The following KLC3 variants were observed in gnomAD, a reference collection of about 807,000 sequenced individuals.
KLC3 encodes the protein kinesin light chain 3, also known as kinesin light chain 2.
KLC3 carries 72 observed loss-of-function variants against 62.9 expected under a neutral mutation model. The ratio of observed to expected loss-of-function variants is 1.15; its 90% CI spans 0.95 to 1.39. KLC3 has a LOEUF of 1.39. Ranked by LOEUF, KLC3 falls within the 40% of genes most tolerant of loss-of-function variation. The pLI is 0.00. For synonymous variants in KLC3, 377 were observed against 300.5 expected (o/e 1.25, Z -2.63); for missense variants, 848 against 691.6 (o/e 1.23, Z -2.54).
At chr19:45,351,143 A>C (rs1241841823) in intron 12 of KLC3, 126 bp downstream of exon 12, 13 of 1,597,262 alleles carry the variant, frequency 8.1e-6, no homozygotes, top group Non-Finnish European at 1.7e-6. Context: ...GAAGAGACCC[A>C]GGACAGGAGC....
chr19:45,348,661 C>G lies in KLC3; in HGVS notation c.795C>G (p.Tyr265Ter). 1 of 1,586,554 alleles carries G rather than the reference C, an allele frequency of 6.3e-7. No homozygotes were observed. Among genetic ancestry groups the G allele is most frequent in the South Asian group, 1.1e-5 (1 of 86,972 alleles). ...CCCCCCACAGGGACCAGAACAAGTA[C>G]AAAGAAGCCACAGACCTTCTCCATG... ...LALVYRDQNK[Y>*]KEATDLLHDA... The change falls in exon 6 of 13, where the codon TAC becomes TAG. Residue 265 changes from tyrosine (Y) to a stop codon, truncating the protein, a stop_gained. Coordinates refer to ENST00000391946, the MANE Select transcript of KLC3 (RefSeq NM_177417.3). LOFTEE classifies it high-confidence loss of function.
intron 3 of KLC3, 76 bp from the exon 4 acceptor site, chr19:45,347,371 C>T: frequency 4.1e-6 from 4 of 985,370 alleles, no homozygotes; most frequent in South Asian, 2.9e-5. Context: ...AAAACAAAAA[C>T]CTGAGATAGA....
chr19:45,343,997 A>G (rs998622373), intron 1 of KLC3, among the ~76,000 whole-genome samples: 1 of 150,988 alleles, frequency 6.6e-6, no homozygotes, highest in African/African-American at 2.4e-5. Context: ...TAATTTTTTT[A>G]TTTTTATTTT....
chr19:45,348,296 A>G, intron 5 of KLC3, 136 bp downstream of exon 5: 1 of 801,774 alleles, frequency 1.2e-6, no homozygotes, highest in Non-Finnish European at 2.0e-6. Context: ...AAGAATGGGA[A>G]AGGAAGGGAA....
Position 45,351,433 on chromosome 19 carries a change from C to T in KLC3, c.*76C>T, listed in dbSNP as rs1599721122. On this transcript the variant is annotated 3_prime_UTR_variant, in exon 13 of 13. Coordinates refer to ENST00000391946, the MANE Select transcript of KLC3 (RefSeq NM_177417.3). ...ATGGGCTGGTGGGGTGAGAGGGGGTCTATCATCTCCTGGCCCCCCCTTGCC... is the reference window on the plus strand; with the variant it reads ...ATGGGCTGGTGGGGTGAGAGGGGGTTTATCATCTCCTGGCCCCCCCTTGCC... 6.9e-6 allele frequency: 11 copies of T among 1,587,490 alleles called. No individual in the cohort carries two copies. The highest frequency in any genetic ancestry group is 2.2e-5 in the South Asian group (2 of 89,982).
chr19:45,349,447 C>A lies in KLC3; in HGVS notation c.988C>A (p.Pro330Thr). Reference sequence around the variant, plus strand: ...CCCCCAGGTCCTGGGTGCTGACCACCCAGATGTGGCCAAGCAGCTCAACAA... The same window carrying A: ...CCCCCAGGTCCTGGGTGCTGACCACACAGATGTGGCCAAGCAGCTCAACAA... ...IREKVLGADH[P>T]DVAKQLNNLA... Residue 330 changes from proline (P) to threonine (T), a missense_variant, in exon 8 of 13, where the codon CCA (proline) becomes ACA (threonine). Physicochemically the swap from Pro to Thr is conservative, Grantham distance 38 (BLOSUM62 -1). Transcript: ENST00000391946. 1.9e-6 allele frequency: 3 copies of A among 1,611,380 alleles called. No individual in the cohort carries two copies. The highest frequency in any genetic ancestry group is 2.5e-6 in the Non-Finnish European group (3 of 1,178,296).
intron 1 of KLC3, chr19:45,344,944 C>T (rs1047853531): frequency 6.4e-6 from 1 of 156,724 alleles, no homozygotes; most frequent in African/African-American, 2.4e-5. Context: ...CTCATTCCCC[C>T]CAACCTAGAG....
In KLC3 at chr19:45,351,379, C is replaced by G. The variant is rs373169640; in HGVS notation, c.*22C>G. 1 of 1,607,938 alleles carries G rather than the reference C, an allele frequency of 6.2e-7. No individual in the cohort carries two copies. Among genetic ancestry groups the G allele is most frequent in the African/African-American group, 1.3e-5 (1 of 75,022 alleles). On this transcript the variant is annotated 3_prime_UTR_variant, in exon 13 of 13. Transcript: ENST00000391946. ...CTAACGTCCAGTGAACTGCGCTGGC[C>G]GCAGCTTCTTGGGAACAGTGCAGGA...
Position 45,350,383 on chromosome 19 carries a change from G to T in KLC3, c.1186G>T (p.Glu396Ter), listed in dbSNP as rs1436818341. The change falls in exon 9 of 13, where the codon GAG becomes TAG. Residue 396 changes from glutamate to a stop codon, truncating the protein, a stop_gained. Coordinates refer to ENST00000391946, the MANE Select transcript of KLC3 (RefSeq NM_177417.3). LOFTEE classifies it high-confidence loss of function. Reference sequence around the variant, plus strand: ...ACAGAACAAGTATCAACAAGCGGAAGAGCTGTACAAAGAAATCCTCCACAA... The same window carrying T: ...ACAGAACAAGTATCAACAAGCGGAATAGCTGTACAAAGAAATCCTCCACAA... ...LKQNKYQQAEELYKEILHKED... is the reference protein window; with the variant it reads ...LKQNKYQQAE 6.2e-7 allele frequency: 1 copy of T among 1,613,758 alleles called. No individual in the cohort carries two copies. The highest frequency in any genetic ancestry group is 1.1e-5 in the South Asian group (1 of 91,042).
At position 45,348,885 on chromosome 19, in the gene KLC3, GC is replaced by G; in HGVS notation, c.937del (p.Leu313CysfsTer48). The G allele has an allele frequency of 1.9e-6, 3 of 1,588,210 alleles. No homozygotes were observed. Among genetic ancestry groups the G allele is most frequent in the Non-Finnish European group, 2.6e-6 (3 of 1,167,720 alleles). On this transcript the variant is annotated frameshift_variant, in exon 7 of 13. Coordinates refer to ENST00000391946, the MANE Select transcript of KLC3 (RefSeq NM_177417.3). LOFTEE classifies it high-confidence loss of function. ...AGCGTGGGCGTTACCGGGAGGCAGAGCCCCTGTGCCAGCGCGCTTTGGAGAT... is the reference window on the plus strand; with the variant it reads ...AGCGTGGGCGTTACCGGGAGGCAGAGCCCTGTGCCAGCGCGCTTTGGAGAT... ...GKRGRYREAE[P>X]LCQRALEIRE...
Position 45,350,962 on chromosome 19 carries a change from G to A in KLC3, c.1388G>A (p.Arg463Lys). The A allele has an allele frequency of 3.1e-6, 5 of 1,614,106 alleles. No homozygotes were observed. The highest frequency in any genetic ancestry group is 4.2e-6 in the Non-Finnish European group (5 of 1,180,008). Reference sequence around the variant, plus strand: ...TGCTGCCCTCTTTGCAGAATGAAGAGAGCCATGTCACTCAACACACTGAAC... The same window carrying A: ...TGCTGCCCTCTTTGCAGAATGAAGAAAGCCATGTCACTCAACACACTGAAC... ...EAAAGAAGMKRAMSLNTLNVD... is the reference protein window; with the variant it reads ...EAAAGAAGMKKAMSLNTLNVD... The change falls in exon 12 of 13, where the codon AGA becomes AAA. Residue 463 changes from arginine (R) to lysine (K), a missense_variant. Coordinates refer to ENST00000391946, the MANE Select transcript of KLC3 (RefSeq NM_177417.3).
intron 3 of KLC3, 179 bp downstream of exon 3, chr19:45,346,953 A>C: frequency 4.1e-6 from 2 of 483,458 alleles, no homozygotes; most frequent in Non-Finnish European, 3.5e-6. Flanking sequence ...ACCCACCAGA[A>C]CTTCCACAGA....
intron 5 of KLC3, 32 bp downstream of exon 5, chr19:45,348,192 AG>A: frequency 1.3e-6 from 2 of 1,530,488 alleles, no homozygotes; most frequent in Non-Finnish European, 1.8e-6. Context: ...GGCTGGGGGC[AG>A]GAACGGCAGG....
At chr19:45,350,907 G>C (rs909770584) in intron 11 of KLC3, 47 bp from the exon 12 acceptor site, 6 of 1,593,274 alleles carry the variant, frequency 3.8e-6, no homozygotes, top group Admixed American at 3.3e-5. Flanking sequence ...CGTGGAGGGG[G>C]GCCACTCCTG....
At chr19:45,349,653 G>A (rs1366454736) in intron 8 of KLC3, 51 bp downstream of exon 8, 1 of 1,388,602 alleles carries the variant, frequency 7.2e-7, no homozygotes, top group Non-Finnish European at 9.7e-7. Context: ...TCCTGCCCTG[G>A]GGAGGCACCC....
rs1189991435 is a variant in KLC3 at position 45,345,285 on chromosome 19, G to A, written c.-8-249G>A. On this transcript the variant is annotated intron_variant, in intron 1 of 12. Transcript: ENST00000391946. The stretch of plus-strand genomic sequence containing the variant: ...ATAGGATTTGGGAACTGTCCTCAGG[G>A]CAGAACCCTGGGTTGGGAGGACAGA... 3 of 607,470 alleles carry A rather than the reference G, an allele frequency of 4.9e-6. No individual in the cohort carries two copies. The Admixed American group carries it at 8.9e-5, about 18-fold the overall frequency. The allele number at this position is 607,470 out of a possible 1,614,324, so 37.6% of individuals were successfully genotyped here.
Position 45,348,158 on chromosome 19 carries a change from CCGGTGAGCACTG to C in KLC3, c.779+2_779+13del. 6.3e-7 allele frequency: 1 copy of C among 1,578,586 alleles called. No individual in the cohort carries two copies. The highest frequency in any genetic ancestry group is 8.6e-7 in the Non-Finnish European group (1 of 1,159,536). ...TGCTCAACATCCTGGCGCTGGTGTA[CCGGTGAGCACTG>C]CGGCCAGCCATGGCTGGGGGCAGGA... On this transcript the variant is annotated splice_donor_variant and splice_donor_5th_base_variant and coding_sequence_variant and intron_variant, in exon 5 of 13. Coordinates refer to ENST00000391946, the MANE Select transcript of KLC3 (RefSeq NM_177417.3). LOFTEE classifies it high-confidence loss of function.
At chr19:45,342,068 T>A (rs1971407978) in intron 1 of KLC3, among the ~76,000 whole-genome samples, 1 of 152,008 alleles carries the variant, frequency 6.6e-6, no homozygotes, top group Admixed American at 6.6e-5. Flanking sequence ...GAGTGCTGGA[T>A]GGCTGTGGTT....
At chr19:45,341,578 T>TGTGCGTGTGTGTGTGTGCGCGCGCGCGC in intron 1 of KLC3, among the ~76,000 whole-genome samples, 3 of 139,800 alleles carry the variant, frequency 2.1e-5, no homozygotes. Context: ...TGTGTGTGTG[T>TGTGCGTGTGTGTGTGTGCGCGCGCGCGC]GCGCGCGCGC....
Sources: allele counts gnomAD v4.1 joint callset (sites outside exome capture counted in the v4.1 genomes callset), GRCh38; gene constraint gnomAD v4.1.1; transcripts MANE v1.5; gene names NCBI Gene and HGNC (gene_info 2026-07-23, HGNC 2026-07-21).